The following TMED3 variants were observed in gnomAD, a reference collection of about 807,000 sequenced individuals.
TMED3 encodes transmembrane emp24 domain-containing protein 3.
TMED3 carries 9 observed loss-of-function variants against 15.0 expected under a neutral mutation model. The observed-to-expected ratio is 0.60, with a 90% CI of 0.36 to 1.04. The LOEUF (loss-of-function observed/expected upper bound fraction) is 1.04, where lower values mean the gene tolerates loss of function less well. Ranked by LOEUF, TMED3 falls within the 50% of genes least tolerant of loss-of-function variation. TMED3 has a pLI of 0.01. For missense variants in TMED3, 267 were observed against 278.9 expected (o/e 0.96, Z 0.30); for synonymous variants, 117 against 121.4 (o/e 0.96, Z 0.24).
intron 2 of TMED3, among the ~76,000 whole-genome samples, chr15:79,403,083 G>A (rs1294852739): frequency 6.6e-6 from 1 of 151,468 alleles, no homozygotes; most frequent in Non-Finnish European, 1.5e-5. Flanking sequence ...TCAGCCAGGT[G>A]TGGTGGTGCA....
chr15:79,330,781 T>A (rs368061779), intron 2 of TMED3, among the ~76,000 whole-genome samples: 2 of 152,038 alleles, frequency 1.3e-5, no homozygotes, highest in East Asian at 3.9e-4. Context: ...GACCTCAAAG[T>A]ATACTGCAAA....
At chr15:79,387,308 A>G (rs1349279763) in intron 2 of TMED3, among the ~76,000 whole-genome samples, 2 of 152,200 alleles carry the variant, frequency 1.3e-5, no homozygotes, top group Non-Finnish European at 2.9e-5. Flanking sequence ...AAAAGATTAT[A>G]TGTCCCCCTC....
chr15:79,368,859 G>C (rs1203593446), intron 2 of TMED3, among the ~76,000 whole-genome samples: 1 of 152,076 alleles, frequency 6.6e-6, no homozygotes, highest in African/African-American at 2.4e-5. Flanking sequence ...AGGCCAAGGT[G>C]GGCAGATCAC....
chr15:79,395,943 G>A (rs1595910339), intron 2 of TMED3, among the ~76,000 whole-genome samples: 1 of 152,348 alleles, frequency 6.6e-6, no homozygotes, highest in East Asian at 1.9e-4. Context: ...TTGCTGATAA[G>A]TCATGGTCAG....
intron 2 of TMED3, among the ~76,000 whole-genome samples, chr15:79,374,768 G>A (rs1409940149): frequency 3.3e-5 from 5 of 152,158 alleles, no homozygotes; most frequent in African/African-American, 7.2e-5. Context: ...AAGCTAATTT[G>A]CAAATGGACC....
chr15:79,393,911 G>A (rs577567094), intron 2 of TMED3, among the ~76,000 whole-genome samples: 1 of 152,182 alleles, frequency 6.6e-6, no homozygotes, highest in Non-Finnish European at 1.5e-5. Flanking sequence ...TGCCCAGGAT[G>A]GTCTCAAACT....
intron 2 of TMED3, among the ~76,000 whole-genome samples, chr15:79,365,295 T>C (rs1893210965): frequency 6.6e-6 from 1 of 152,258 alleles, no homozygotes; most frequent in Non-Finnish European, 1.5e-5. Flanking sequence ...AGAAGCTTTG[T>C]CTAAAGACTT....
intron 2 of TMED3, among the ~76,000 whole-genome samples, chr15:79,378,259 A>G (rs1006323734): frequency 1.3e-5 from 2 of 152,252 alleles, no homozygotes; most frequent in African/African-American, 4.8e-5. Context: ...ATAAGTCATT[A>G]TTGAGTATTG....
At chr15:79,385,476 G>A (rs1313622210) in intron 2 of TMED3, among the ~76,000 whole-genome samples, 1 of 152,170 alleles carries the variant, frequency 6.6e-6, no homozygotes, top group Non-Finnish European at 1.5e-5. Context: ...CTTACTTTGT[G>A]AGGTGCTGCA....
At chr15:79,386,995 C>G (rs1893635474) in intron 2 of TMED3, among the ~76,000 whole-genome samples, 1 of 149,918 alleles carries the variant, frequency 6.7e-6, no homozygotes, top group African/African-American at 2.5e-5. Flanking sequence ...ACAGTGGCAC[C>G]CAGGCTCACT....
At chr15:79,404,398 A>T (rs1436516232) in intron 2 of TMED3, among the ~76,000 whole-genome samples, 1 of 152,182 alleles carries the variant, frequency 6.6e-6, no homozygotes, top group African/African-American at 2.4e-5. Flanking sequence ...ACCCCATGCC[A>T]TGGGGCCCAT....
At chr15:79,325,967 C>T (rs1254838754), downstream of TMED3, among the ~76,000 whole-genome samples, 1 of 152,112 alleles carries the variant, frequency 6.6e-6, no homozygotes, top group African/African-American at 2.4e-5. Context: ...TCTCCCAGTC[C>T]ATTGAGTCAA....
rs199728545 is a variant in TMED3, at chr15:79,376,092, G to GTT, written c.418-35274_418-35273dup. On this transcript the variant is annotated intron_variant, in intron 2 of 2. Coordinates refer to the TMED3 transcript ENST00000424155. ...CTTACTTCATCTATTCTAGAGAAAG[G>GTT]TTTTTTTTTTTTTTTTTTTTTTTTT... Among the ~76,000 whole-genome samples the GTT allele has an allele frequency of 4.6e-3, 512 of 112,018 alleles. 34 individuals are homozygous for GTT. The highest frequency in any genetic ancestry group is 5.9e-3 in the Non-Finnish European group (332 of 56,736). The allele number at this position is 112,018 out of a possible 152,430, so 73.5% of individuals were successfully genotyped here.
At chr15:79,344,580 G>T (rs900651237) in intron 2 of TMED3, among the ~76,000 whole-genome samples, 7 of 152,116 alleles carry the variant, frequency 4.6e-5, no homozygotes, top group African/African-American at 7.2e-5. Flanking sequence ...TGGATTTAGG[G>T]TCCTCTAATG....
In TMED3 at chr15:79,311,172, C is replaced by T. The variant is rs766728583; in HGVS notation, c.-78C>T. The T allele has an allele frequency of 6.6e-5, 97 of 1,475,292 alleles. No individual in the cohort carries two copies. The highest frequency in any genetic ancestry group is 8.5e-5 in the Non-Finnish European group (94 of 1,109,272). The allele number at this position is 1,475,292 out of a possible 1,614,324, so 91.4% of individuals were successfully genotyped here. A position where few individuals can be genotyped will look rare whatever the true frequency, so the allele number is the denominator to read the frequency against. ...CTATCCCCTTACATCCTCCTAGGAC[C>T]CGGTCGGTAGTCGTCGCCCCAGCCC... On this transcript the variant is annotated 5_prime_UTR_variant, in exon 1 of 3. Transcript: ENST00000299705.
At position 79,403,220 on chromosome 15, in the gene TMED3, C is replaced by CAAAAA. The variant is rs71150908; in HGVS notation, c.418-8155_418-8151dup. On this transcript the variant is annotated intron_variant, in intron 2 of 2. Transcript: ENST00000424155. Reference sequence around the variant, plus strand: ...CCTGGGTGACAGCGGGACTCTGTCTCAAAAAAAAAAAAAAAAAAAAAAAAA... The same window carrying CAAAAA: ...CCTGGGTGACAGCGGGACTCTGTCTCAAAAAAAAAAAAAAAAAAAAAAAAAAAAAA... Among the ~76,000 whole-genome samples, 26 of 65,426 alleles carry CAAAAA rather than the reference C, an allele frequency of 4.0e-4. 3 individuals carry two copies. The highest frequency in any genetic ancestry group is 1.2e-3 in the African/African-American group (16 of 13,070). The allele number at this position is 65,426 out of a possible 152,430, so 42.9% of individuals were successfully genotyped here. A position where few individuals can be genotyped will look rare whatever the true frequency, so the allele number is the denominator to read the frequency against.
At chr15:79,401,184 T>C (rs370431391) in intron 2 of TMED3, among the ~76,000 whole-genome samples, 5 of 152,186 alleles carry the variant, frequency 3.3e-5, no homozygotes, top group African/African-American at 7.2e-5. Context: ...ACTCAATAAA[T>C]ACTAGTTGAA....
At chr15:79,380,465 GGTTATATATA>G (rs1368462656) in intron 2 of TMED3, among the ~76,000 whole-genome samples, 4 of 143,248 alleles carry the variant, frequency 2.8e-5, no homozygotes, top group Admixed American at 7.0e-5. Flanking sequence ...TGTTATATAT[GGTTATATATA>G]GTTATATATA....
At chr15:79,379,863 A>C (rs1893490629) in intron 2 of TMED3, among the ~76,000 whole-genome samples, 1 of 152,198 alleles carries the variant, frequency 6.6e-6, no homozygotes, top group Non-Finnish European at 1.5e-5. Flanking sequence ...AGCTGAAATA[A>C]GGTAATGGCA....
Sources: gnomAD v4.1 joint callset for allele counts (sites outside exome capture counted in the v4.1 genomes callset) on GRCh38, gnomAD v4.1.1 for gene constraint, MANE v1.5 for transcripts, NCBI Gene and HGNC (gene_info 2026-07-23, HGNC 2026-07-21) for gene names.